The following BTRC variants were observed in gnomAD, a reference collection of about 807,000 sequenced individuals.
The protein encoded by BTRC is beta-transducin repeat containing E3 ubiquitin protein ligase, also known as F-box/WD repeat-containing protein 1A.
Under a neutral mutation model 85.5 loss-of-function variants are expected in BTRC, and 42 were observed. That is an observed-to-expected ratio of 0.49 (90% CI 0.38 to 0.64). The LOEUF is 0.64. Ranked by LOEUF, BTRC falls within the 30% of genes least tolerant of loss-of-function variation. The pLI, the probability that BTRC is intolerant of heterozygous loss-of-function variation, is 0.00. For missense variants in BTRC, 594 were observed against 743.5 expected (o/e 0.80, Z 2.34); for synonymous variants, 255 against 263.3 (o/e 0.97, Z 0.30).
Position 101,549,542 on chromosome 10 carries a change from G to A in BTRC, c.1657-1157G>A, listed in dbSNP as rs1365805896. 8.0e-5 allele frequency among the ~76,000 whole-genome samples: 12 copies of A among 150,406 alleles called. No individual in the cohort carries two copies. In the East Asian group the frequency reaches 9.8e-4, roughly 12 times the overall value. On this transcript the variant is annotated intron_variant, in intron 13 of 14. Coordinates refer to ENST00000370187, the MANE Select transcript of BTRC (RefSeq NM_033637.4). ...ATCCTGGCTAACACGATGAAACCCC[G>A]TCTCTACTAAAAATACAAAAAATTA...
chr10:101,519,965 A>G (rs2062079559), intron 4 of BTRC, among the ~76,000 whole-genome samples: 1 of 152,152 alleles, frequency 6.6e-6, no homozygotes, highest in East Asian at 1.9e-4. Context: ...ATTGCACTCC[A>G]GTGTGGGCAA....
intron 1 of BTRC, among the ~76,000 whole-genome samples, chr10:101,375,063 C>T (rs538679227): frequency 4.6e-5 from 7 of 152,188 alleles, no homozygotes; most frequent in Middle Eastern, 3.4e-3. Context: ...GGTGTGTGGA[C>T]GCAGGGGAAC....
chr10:101,366,929 T>TATATAA (rs1564730381), intron 1 of BTRC, among the ~76,000 whole-genome samples: 2 of 19,314 alleles, frequency 1.0e-4, no homozygotes, highest in Non-Finnish European at 1.6e-4. Context: ...TATATATATT[T>TATATAA]ATATATATTT....
intron 1 of BTRC, chr10:101,354,668 A>G (rs1941982404): frequency 4.9e-6 from 1 of 203,064 alleles, no homozygotes; most frequent in Non-Finnish European, 9.8e-6. Context: ...GGATAGAGTG[A>G]AGACAGATAC....
chr10:101,367,304 G>T (rs531705503), intron 1 of BTRC, among the ~76,000 whole-genome samples: 1 of 151,216 alleles, frequency 6.6e-6, no homozygotes, highest in African/African-American at 2.4e-5. Flanking sequence ...TCTTGACCTT[G>T]TGATCTGCCT....
chr10:101,552,683 A>G (rs1274485211), intron 14 of BTRC, among the ~76,000 whole-genome samples: 1 of 152,152 alleles, frequency 6.6e-6, no homozygotes, highest in Non-Finnish European at 1.5e-5. Flanking sequence ...GAGCACTTCT[A>G]GTGCTCACAT....
intron 3 of BTRC, among the ~76,000 whole-genome samples, chr10:101,467,904 G>A (rs986499161): frequency 6.6e-6 from 1 of 152,162 alleles, no homozygotes; most frequent in Non-Finnish European, 1.5e-5. Context: ...AATAGTCCAT[G>A]TAAAAGATCT....
At chr10:101,417,418 C>T (rs1264946226) in intron 1 of BTRC, among the ~76,000 whole-genome samples, 1 of 152,084 alleles carries the variant, frequency 6.6e-6, no homozygotes, top group East Asian at 1.9e-4. Context: ...ATGATTAGAT[C>T]CAAATTAGGT....
intron 4 of BTRC, among the ~76,000 whole-genome samples, chr10:101,484,975 G>T (rs1945944369): frequency 6.6e-6 from 1 of 152,172 alleles, no homozygotes; most frequent in East Asian, 1.9e-4. Flanking sequence ...TCAGATTAAG[G>T]ATGTAAGAAT....
chr10:101,539,484 C>T (rs530147228), intron 13 of BTRC, among the ~76,000 whole-genome samples: 1 of 152,290 alleles, frequency 6.6e-6, no homozygotes, highest in African/African-American at 2.4e-5. Context: ...GTCACCCAGG[C>T]TATAGTGAAG....
In BTRC at chr10:101,483,136, T is replaced by C. The variant is rs567247795; in HGVS notation, c.324+3679T>C. Among the ~76,000 whole-genome samples, 4 of 152,290 alleles carry C rather than the reference T, an allele frequency of 2.6e-5. No individual in the cohort carries two copies. In the South Asian group the frequency reaches 6.2e-4, roughly 24 times the overall value. ...ACCCCTATAATACCTTGATTGTAAC[T>C]CTTTGCCAGAAATATCATAGTCTTA... On this transcript the variant is annotated intron_variant, in intron 4 of 14. Transcript: ENST00000370187.
chr10:101,422,550 A>T (rs762966257), intron 1 of BTRC, among the ~76,000 whole-genome samples: 6 of 152,190 alleles, frequency 3.9e-5, no homozygotes, highest in African/African-American at 1.4e-4. Flanking sequence ...GCCCATGCCT[A>T]TGTCCTGAAT....
chr10:101,398,822 A>T (rs1943427371), intron 1 of BTRC, among the ~76,000 whole-genome samples: 1 of 152,232 alleles, frequency 6.6e-6, no homozygotes, highest in Admixed American at 6.5e-5. Flanking sequence ...GAATATTTTC[A>T]TGAAAATCCA....
At chr10:101,517,305 G>C (rs1433106477) in intron 4 of BTRC, among the ~76,000 whole-genome samples, 1 of 152,086 alleles carries the variant, frequency 6.6e-6, no homozygotes, top group Non-Finnish European at 1.5e-5. Context: ...ACTTTGTAAA[G>C]AGCCCTGTGT....
intron 4 of BTRC, among the ~76,000 whole-genome samples, chr10:101,481,115 G>A (rs1554885436): frequency 6.6e-6 from 1 of 151,954 alleles, no homozygotes; most frequent in Non-Finnish European, 1.5e-5. Flanking sequence ...TTTTAGAGTT[G>A]TTTTGTTTTG....
At chr10:101,395,711 A>T (rs1943346046) in intron 1 of BTRC, among the ~76,000 whole-genome samples, 1 of 152,144 alleles carries the variant, frequency 6.6e-6, no homozygotes, top group Admixed American at 6.5e-5. Flanking sequence ...TTCATTGCAT[A>T]CTACAAAATT....
In BTRC at chr10:101,556,589, CCA is replaced by C. The variant is rs1429518520; in HGVS notation, c.*3469_*3470del. The C allele has an allele frequency of 2.2e-4, 34 of 152,356 alleles. No homozygotes were observed. Among genetic ancestry groups the C allele is most frequent in the Admixed American group, 2.0e-3 (30 of 15,302 alleles). 9.4% of individuals were successfully genotyped at this position (152,356 alleles called of 1,614,324 possible). On this transcript the variant is annotated 3_prime_UTR_variant, in exon 15 of 15. Transcript: ENST00000370187. ...CACCAACAGACCAGACCTCCTTTAA[CCA>C]CAGTGTCAACATAGTATCGGAAAGA...
rs1194237945 is a variant in BTRC, at chr10:101,522,014, C to CTTT, written c.556+178_556+180dup. ...TTAACTGTACCTTTTTGATATAAAG[C>CTTT]TTTTTTTTTTTTTTTTTTTTTTTTT... is the stretch of plus-strand genomic sequence containing the variant. On this transcript the variant is annotated intron_variant, in intron 5 of 14. Transcript: ENST00000370187. The CTTT allele has an allele frequency of 1.1e-3, 74 of 67,892 alleles. 24 individuals are homozygous for CTTT. Among genetic ancestry groups the CTTT allele is most frequent in the African/African-American group, 4.7e-3 (32 of 6,834 alleles). 4.2% of individuals were successfully genotyped at this position (67,892 alleles called of 1,614,324 possible). A position where few individuals can be genotyped will look rare whatever the true frequency, so the allele number is the denominator to read the frequency against.
chr10:101,502,604 G>A (rs1946423607), intron 4 of BTRC, among the ~76,000 whole-genome samples: 1 of 152,092 alleles, frequency 6.6e-6, no homozygotes, highest in Non-Finnish European at 1.5e-5. Context: ...AAATTTGAGT[G>A]CCTATGGACA....
Sources: gnomAD v4.1 joint callset for allele counts (sites outside exome capture counted in the v4.1 genomes callset) on GRCh38, gnomAD v4.1.1 for gene constraint, MANE v1.5 for transcripts, NCBI Gene and HGNC (gene_info 2026-07-23, HGNC 2026-07-21) for gene names.